The following GNA11 variants were observed in gnomAD, a reference collection of about 807,000 sequenced individuals.
GNA11 encodes the protein G protein subunit alpha 11, also known as guanine nucleotide-binding protein subunit alpha-11.
A neutral mutation model predicts 38.2 loss-of-function variants in GNA11; 8 were observed. The observed-to-expected ratio is 0.21, with a 90% confidence interval of 0.12 to 0.38. GNA11 has a LOEUF of 0.38. Among genes scored for constraint, GNA11 ranks in the 10% least tolerant of loss-of-function variants. GNA11 has a pLI of 1.00. For synonymous variants in GNA11, 211 were observed against 221.4 expected (o/e 0.95, Z 0.42); for missense variants, 268 against 516.3 (o/e 0.52, Z 4.66).
At chr19:3,100,655 A>C (rs1405896650) in intron 1 of GNA11, among the ~76,000 whole-genome samples, 1 of 152,140 alleles carries the variant, frequency 6.6e-6, no homozygotes, top group Non-Finnish European at 1.5e-5. Context: ...GACAGTGCGC[A>C]GCTGGCTCTC....
Position 3,108,631 on chromosome 19 carries a change from T to C in GNA11, c.137-1518T>C, listed in dbSNP as rs1228889078. On this transcript the variant is annotated intron_variant, in intron 1 of 6. Coordinates refer to ENST00000078429, the MANE Select transcript of GNA11 (RefSeq NM_002067.5). The surrounding 1 kb of genome is among the most constrained non-coding windows in gnomAD (Gnocchi z 4.5). ...ACCTGAGTAGAGAGTTGAGGCAGTC[T>C]CTTTTTAGAAATTAGAAGTTAACTA... Among the ~76,000 whole-genome samples the C allele has an allele frequency of 6.6e-6, 1 of 152,228 alleles. No homozygotes were observed. Among genetic ancestry groups the C allele is most frequent in the African/African-American group, 2.4e-5 (1 of 41,458 alleles).
At position 3,094,921 on chromosome 19, in the gene GNA11, A is replaced by G; in HGVS notation, c.136+134A>G. The G allele has an allele frequency of 3.5e-6, 2 of 577,810 alleles. No homozygotes were observed. The highest frequency in any genetic ancestry group is 2.7e-5 in the South Asian group (1 of 37,634). The allele number at this position is 577,810 out of a possible 1,614,324, so 35.8% of individuals were successfully genotyped here. On this transcript the variant is annotated intron_variant, in intron 1 of 6. Transcript: ENST00000078429. This position sits in a 1 kb window ranked among gnomAD's most constrained non-coding sequence, Gnocchi z 6.0. ...CCGGGTCGCGAGACCCTCCGGGGTC[A>G]GCCCTGCCTGTGCCTTCCCTGCCTG...
At chr19:3,112,679 G>C (rs376301095) in intron 2 of GNA11, among the ~76,000 whole-genome samples, 1 of 152,256 alleles carries the variant, frequency 6.6e-6, no homozygotes, top group Non-Finnish European at 1.5e-5. Context: ...AGGGGGAGGC[G>C]GCTCGTGTTG....
At chr19:3,103,443 C>T (rs1345313487) in intron 1 of GNA11, among the ~76,000 whole-genome samples, 2 of 149,478 alleles carry the variant, frequency 1.3e-5, no homozygotes, top group Non-Finnish European at 3.0e-5. Flanking sequence ...CAACTTCTGA[C>T]CTCAGGTGAT....
rs2145320795 is a variant in GNA11 at position 3,114,984 on chromosome 19, C to T, written c.517C>T (p.Leu173=). ...DVDRIATLGY[L]PTQQDVLRVR... ...TGACCGCATCGCCACCTTGGGCTACCTGCCCACCCAGCAGGACGTGCTGCG... is the reference window on the plus strand; with the variant it reads ...TGACCGCATCGCCACCTTGGGCTACTTGCCCACCCAGCAGGACGTGCTGCG... Residue 173 remains leucine, a synonymous_variant, in exon 4 of 7, where the codon CTG becomes TTG. Transcript: ENST00000078429. The T allele has an allele frequency of 1.2e-6, 2 of 1,612,820 alleles. No individual in the cohort carries two copies. The highest frequency in any genetic ancestry group is 1.7e-6 in the Non-Finnish European group (2 of 1,179,580).
chr19:3,100,514 T>C lies in GNA11; in HGVS notation c.136+5727T>C, dbSNP rs543876399. On this transcript the variant is annotated intron_variant, in intron 1 of 6. Transcript: ENST00000078429. ...ACTGAAGGCAGATCACGCAGGGAAG[T>C]GGAGAGGAGTGGCCCGACACCTCCC... Among the ~76,000 whole-genome samples, 4 of 152,258 alleles carry C rather than the reference T, an allele frequency of 2.6e-5. No individual in the cohort carries two copies. The East Asian group carries it at 7.7e-4, about 29-fold the overall frequency.
At chr19:3,096,975 C>T (rs8111533) in intron 1 of GNA11, among the ~76,000 whole-genome samples, 1 of 152,140 alleles carries the variant, frequency 6.6e-6, no homozygotes, top group Non-Finnish European at 1.5e-5. Flanking sequence ...TCCAAGCAAC[C>T]TTGCATCCCA....
chr19:3,117,808 C>G (rs542599226), intron 4 of GNA11: 1 of 152,460 alleles, frequency 6.6e-6, no homozygotes, highest in Non-Finnish European at 1.5e-5. Context: ...CTGTGGGATG[C>G]AGCTGGAGGC....
At chr19:3,115,217 A>G in intron 4 of GNA11, 145 bp downstream of exon 4, 2 of 877,286 alleles carry the variant, frequency 2.3e-6, no homozygotes, top group Non-Finnish European at 1.8e-6. Context: ...CACCCTGGGC[A>G]ACATAGCCAG....
At chr19:3,118,730 T>C (rs1045546768) in intron 4 of GNA11, 194 bp from the exon 5 acceptor site, 2 of 588,110 alleles carry the variant, frequency 3.4e-6, no homozygotes, top group East Asian at 2.8e-5. Context: ...GGGAAGGGTC[T>C]GCGGTGGTCA....
In GNA11 at chr19:3,121,491, C is replaced by T. The variant is rs1291815411; in HGVS notation, c.*312C>T. ...AAAAAGAAAGAAAGAAAAAAAGCAA[C>T]GAAACATAAAACACACAAGCGCCCC... On this transcript the variant is annotated 3_prime_UTR_variant, in exon 7 of 7. Transcript: ENST00000078429. 16 of 251,570 alleles carry T rather than the reference C, an allele frequency of 6.4e-5. No individual in the cohort carries two copies. Among genetic ancestry groups the T allele is most frequent in the South Asian group, 1.3e-4 (1 of 7,974 alleles). The allele number at this position is 251,570 out of a possible 1,614,324, so 15.6% of individuals were successfully genotyped here. A position where few individuals can be genotyped will look rare whatever the true frequency, so the allele number is the denominator to read the frequency against.
Position 3,108,458 on chromosome 19 carries a change from G to A in GNA11, c.137-1691G>A, listed in dbSNP as rs563194701. On this transcript the variant is annotated intron_variant, in intron 1 of 6. Coordinates refer to ENST00000078429, the MANE Select transcript of GNA11 (RefSeq NM_002067.5). The surrounding 1 kb of genome is among the most constrained non-coding windows in gnomAD (Gnocchi z 4.5). ...AGCACTGTGGGCAGAGGGCAACAGC[G>A]TAGGACGTGTGTGGAAGTGGGGAGG... Among the ~76,000 whole-genome samples, 11 of 152,148 alleles carry A rather than the reference G, an allele frequency of 7.2e-5. No individual in the cohort carries two copies. The highest frequency in any genetic ancestry group is 3.9e-4 in the Admixed American group (6 of 15,286).
chr19:3,113,617 G>C, intron 3 of GNA11, 133 bp downstream of exon 3: 1 of 657,484 alleles, frequency 1.5e-6, no homozygotes, highest in Non-Finnish European at 2.5e-6. Flanking sequence ...CGGTGGGCCC[G>C]GGCCACCTGG....
rs113438414 is a variant in GNA11, at chr19:3,122,701, C to T, written c.*1522C>T. 8.5e-4 allele frequency: 198 copies of T among 233,588 alleles called. No individual in the cohort carries two copies. Among genetic ancestry groups the T allele is most frequent in the African/African-American group, 4.0e-3 (180 of 45,474 alleles). 14.5% of individuals were successfully genotyped at this position (233,588 alleles called of 1,614,324 possible). On this transcript the variant is annotated 3_prime_UTR_variant, in exon 7 of 7. Coordinates refer to ENST00000078429, the MANE Select transcript of GNA11 (RefSeq NM_002067.5). This position sits in a 1 kb window ranked among gnomAD's most constrained non-coding sequence, Gnocchi z 7.7. The stretch of plus-strand genomic sequence containing the variant: ...CCCGCCGCCACACCGGGACCCTGCA[C>T]GGCTGCTTCTGGCCTCGACAGATGA...
rs749233757 is a variant in GNA11, at chr19:3,113,494, G to T, written c.476+10G>T. On this transcript the variant is annotated intron_variant, in intron 3 of 6. Transcript: ENST00000078429. ...CCGACTCTGCCAAGTAGTAAGTGCG[G>T]CCGCACCGCTGGCGGCCTGGGGACG... The T allele has an allele frequency of 6.4e-7, 1 of 1,563,688 alleles. No homozygotes were observed. Among genetic ancestry groups the T allele is most frequent in the Non-Finnish European group, 8.7e-7 (1 of 1,153,788 alleles).
rs773698583 is a variant in GNA11, at chr19:3,110,344, G to C, written c.321+11G>C. The stretch of plus-strand genomic sequence containing the variant: ...TACGAGCAGAACAAGGTGAGCCCGC[G>C]GGCGCCTGGGGAGGGGAGCGCCTGG... On this transcript the variant is annotated intron_variant, in intron 2 of 6. Transcript: ENST00000078429. The surrounding 1 kb of genome is among the most constrained non-coding windows in gnomAD (Gnocchi z 5.4). 1.3e-6 allele frequency: 2 copies of C among 1,596,954 alleles called. No individual in the cohort carries two copies. Among genetic ancestry groups the C allele is most frequent in the Admixed American group, 1.7e-5 (1 of 59,650 alleles).
At chr19:3,107,935 C>T (rs1346690617) in intron 1 of GNA11, among the ~76,000 whole-genome samples, 6 of 152,184 alleles carry the variant, frequency 3.9e-5, no homozygotes, top group Non-Finnish European at 1.5e-5. Flanking sequence ...CACTCACCCT[C>T]ACTCCTCCTG....
chr19:3,116,711 G>A (rs951914541), intron 4 of GNA11, among the ~76,000 whole-genome samples: 1 of 152,220 alleles, frequency 6.6e-6, no homozygotes, highest in Non-Finnish European at 1.5e-5. Context: ...TGTCCTGGAG[G>A]GCCTCGCGGT....
Position 3,122,944 on chromosome 19 carries a change from A to AC in GNA11, c.*1775dup, listed in dbSNP as rs56197875. The AC allele has an allele frequency of 0.043, 9,531 of 223,628 alleles. 405 individuals carry two copies. The highest frequency in any genetic ancestry group is 0.15 in the Admixed American group (2,649 of 17,340). 13.9% of individuals were successfully genotyped at this position (223,628 alleles called of 1,614,324 possible). A position where few individuals can be genotyped will look rare whatever the true frequency, so the allele number is the denominator to read the frequency against. ...CATGGGGAGACGGGGCTGGCGGGAT[A>AC]CCCCCCCCCCGGCTTCCCCACACCA... On this transcript the variant is annotated 3_prime_UTR_variant, in exon 7 of 7. Transcript: ENST00000078429. The surrounding 1 kb of genome is among the most constrained non-coding windows in gnomAD (Gnocchi z 7.7).
Sources: gnomAD v4.1 joint callset for allele counts (sites outside exome capture counted in the v4.1 genomes callset) on GRCh38, gnomAD v4.1.1 for gene constraint, Gnocchi (gnomAD v3.1) non-coding constraint, MANE v1.5 for transcripts, NCBI Gene and HGNC (gene_info 2026-07-23, HGNC 2026-07-21) for gene names.